The following TAFA1 variants were observed in gnomAD, a reference collection of about 807,000 sequenced individuals.
The protein encoded by TAFA1 is TAFA chemokine like family member 1.
In TAFA1, 4 loss-of-function variants were observed where a neutral mutation model predicts 18.5. The observed-to-expected ratio is 0.22, with a 90% CI of 0.11 to 0.49. The LOEUF is 0.49. Among genes scored for constraint, TAFA1 ranks in the 20% least tolerant of loss-of-function variants. TAFA1 has a pLI of 0.98. For synonymous variants in TAFA1, 56 were observed against 55.2 expected (o/e 1.01, Z -0.06); for missense variants, 147 against 169.0 (o/e 0.87, Z 0.72).
intron 2 of TAFA1, among the ~76,000 whole-genome samples, chr3:68,008,700 A>G (rs1033244040): frequency 6.6e-6 from 1 of 152,168 alleles, no homozygotes; most frequent in African/African-American, 2.4e-5. Context: ...GAGCCCCTTC[A>G]TATAATTTTT....
chr3:68,001,080 C>CA (rs560289801), upstream of TAFA1, among the ~76,000 whole-genome samples: 8 of 151,082 alleles, frequency 5.3e-5, no homozygotes, highest in Middle Eastern at 3.4e-3. Context: ...CATATCCTTG[C>CA]AAAAAAAAGA....
At chr3:68,521,586 GT>G (rs2073021971) in intron 3 of TAFA1, among the ~76,000 whole-genome samples, 1 of 152,132 alleles carries the variant, frequency 6.6e-6, no homozygotes, top group Non-Finnish European at 1.5e-5. Context: ...CTTAAGTTTG[GT>G]TTAGTGTGGA....
chr3:68,541,868 G>C (rs576101309), intron 4 of TAFA1, among the ~76,000 whole-genome samples: 1 of 152,050 alleles, frequency 6.6e-6, no homozygotes, highest in African/African-American at 2.4e-5. Context: ...AATTCTCTTC[G>C]AAATGTGGTT....
intron 3 of TAFA1, among the ~76,000 whole-genome samples, chr3:68,420,884 G>A (rs897432495): frequency 1.3e-5 from 2 of 152,190 alleles, no homozygotes; most frequent in African/African-American, 2.4e-5. Context: ...GCAGTTAGAT[G>A]AGTAAAGCTA....
intron 2 of TAFA1, among the ~76,000 whole-genome samples, chr3:68,178,811 TGAGATCCCTA>T (rs1322310330): frequency 6.6e-6 from 1 of 152,208 alleles, no homozygotes; most frequent in Non-Finnish European, 1.5e-5. Context: ...TAGAGAATAG[TGAGATCCCTA>T]GAAGAGATGA....
intron 2 of TAFA1, among the ~76,000 whole-genome samples, chr3:68,125,387 T>A (rs1013990218): frequency 6.6e-6 from 1 of 152,262 alleles, no homozygotes; most frequent in African/African-American, 2.4e-5. Flanking sequence ...TTATTACAAG[T>A]GCTACTGCTG....
intron 2 of TAFA1, among the ~76,000 whole-genome samples, chr3:68,069,447 G>T (rs1289222824): frequency 2.0e-5 from 3 of 152,070 alleles, no homozygotes; most frequent in African/African-American, 7.3e-5. Context: ...ACCTCCCACT[G>T]GGTCCCTCCC....
At chr3:68,409,686 C>G (rs17047635) in intron 2 of TAFA1, among the ~76,000 whole-genome samples, 1 of 152,094 alleles carries the variant, frequency 6.6e-6, no homozygotes, top group South Asian at 2.1e-4. Flanking sequence ...GCAAAAGATA[C>G]TACTGAATGT....
At chr3:68,371,057 T>C (rs1443193002) in intron 2 of TAFA1, among the ~76,000 whole-genome samples, 1 of 152,176 alleles carries the variant, frequency 6.6e-6, no homozygotes. Flanking sequence ...TACTCTATTT[T>C]TCTTATCTAC....
intron 1 of TAFA1, 92 bp from the exon 2 acceptor site, chr3:68,006,532 A>C (rs1010333891): frequency 2.5e-6 from 2 of 801,070 alleles, no homozygotes; most frequent in South Asian, 1.4e-5. Context: ...AAGGAACATG[A>C]CGTCTGAGAC....
chr3:68,504,824 A>G (rs940268496), intron 3 of TAFA1, among the ~76,000 whole-genome samples: 1 of 152,172 alleles, frequency 6.6e-6, no homozygotes, highest in Non-Finnish European at 1.5e-5. Context: ...AACCTGTGCT[A>G]TGGTACACAG....
intron 2 of TAFA1, among the ~76,000 whole-genome samples, chr3:68,138,609 C>A (rs368218811): frequency 2.0e-5 from 3 of 152,126 alleles, no homozygotes; most frequent in African/African-American, 7.2e-5. Context: ...GGATTAGAAT[C>A]CTAACTCCAC....
intron 2 of TAFA1, among the ~76,000 whole-genome samples, chr3:68,255,338 T>C (rs370017258): frequency 6.6e-6 from 1 of 152,172 alleles, no homozygotes; most frequent in Non-Finnish European, 1.5e-5. Flanking sequence ...TAGAAAAACA[T>C]AATCCATTTA....
chr3:68,466,016 G>T (rs557460680), intron 3 of TAFA1, among the ~76,000 whole-genome samples: 2 of 152,108 alleles, frequency 1.3e-5, no homozygotes, highest in African/African-American at 4.8e-5. Flanking sequence ...AATTGTTATG[G>T]TAGATGTTAT....
intron 4 of TAFA1, 120 bp from the exon 5 acceptor site, chr3:68,544,366 A>T (rs2073422988): frequency 1.1e-6 from 1 of 944,624 alleles, no homozygotes; most frequent in African/African-American, 1.7e-5. Context: ...ACTTCAGATC[A>T]CCTGAAAAAA....
In TAFA1 at chr3:68,476,707, A is replaced by C. The variant is rs180725149; in HGVS notation, c.259+59287A>C. Among the ~76,000 whole-genome samples, 10 of 152,292 alleles carry C rather than the reference A, an allele frequency of 6.6e-5. No homozygotes were observed. In the East Asian group the frequency reaches 1.9e-3, roughly 29 times the overall value. On this transcript the variant is annotated intron_variant, in intron 3 of 4. Transcript: ENST00000478136. Reference sequence around the variant, plus strand: ...CCCTGAGGATTATTTTCTAATACCCATCCTTTTACATTCATAGGATTTGTT... The same window carrying C: ...CCCTGAGGATTATTTTCTAATACCCCTCCTTTTACATTCATAGGATTTGTT...
At chr3:68,381,535 G>A in intron 2 of TAFA1, among the ~76,000 whole-genome samples, 1 of 152,176 alleles carries the variant, frequency 6.6e-6, no homozygotes, top group African/African-American at 2.4e-5. Flanking sequence ...TGAAGCAAAT[G>A]TGAATGGGAG....
chr3:68,021,837 C>T (rs1469630665), intron 2 of TAFA1, among the ~76,000 whole-genome samples: 1 of 152,058 alleles, frequency 6.6e-6, no homozygotes, highest in Non-Finnish European at 1.5e-5. Context: ...GGTAAATTTG[C>T]AATTAGTGTT....
At chr3:68,078,270 A>C (rs922177048) in intron 2 of TAFA1, among the ~76,000 whole-genome samples, 4 of 151,466 alleles carry the variant, frequency 2.6e-5, no homozygotes, top group African/African-American at 9.7e-5. Context: ...GGACAATTTG[A>C]CTTCCTCTTT....
Sources: gnomAD v4.1 joint callset for allele counts (sites outside exome capture counted in the v4.1 genomes callset) on GRCh38, gnomAD v4.1.1 for gene constraint, MANE v1.5 for transcripts, NCBI Gene and HGNC (gene_info 2026-07-23, HGNC 2026-07-21) for gene names.